CPXM2: variants seen among roughly 807,000 people sequenced by gnomAD.
CPXM2 encodes carboxypeptidase X, M14 family member 2.
A neutral mutation model predicts 86.1 loss-of-function variants in CPXM2; 66 were observed. The observed-to-expected ratio is 0.77, with a 90% CI of 0.63 to 0.94. The LOEUF is 0.94. Ranked by LOEUF, CPXM2 falls within the 40% of genes least tolerant of loss-of-function variation. The pLI is 0.00. For synonymous variants in CPXM2, 388 were observed against 400.2 expected, an observed-to-expected ratio of 0.97 and a Z score of 0.36; for missense variants, 948 against 1,026.3, an observed-to-expected ratio of 0.92 and a Z score of 1.04.
Position 123,841,200 on chromosome 10 carries a change from C to T in CPXM2, c.653+1149G>A, listed in dbSNP as rs186824983. ...AGGTCCTGCTGACCCTACTGCGCCC[C>T]TCCACAAAGCCCCCAAGCTCTGCGT... On this transcript the variant is annotated intron_variant, in intron 4 of 13. Coordinates refer to ENST00000241305, the MANE Select transcript of CPXM2 (RefSeq NM_198148.3). 1.0e-3 allele frequency among the ~76,000 whole-genome samples: 152 copies of T among 152,264 alleles called. 1 individual carries two copies. Among genetic ancestry groups the T allele is most frequent in the Non-Finnish European group, 4.0e-4 (27 of 68,024 alleles).
intron 13 of CPXM2, chr10:123,751,407 T>G: frequency 3.6e-6 from 2 of 563,358 alleles, no homozygotes; most frequent in Non-Finnish European, 4.5e-6. Context: ...CCCTTTGCCC[T>G]TCCGAAGTTT....
At chr10:123,823,693 T>C (rs1847980677) in intron 4 of CPXM2, among the ~76,000 whole-genome samples, 1 of 152,124 alleles carries the variant, frequency 6.6e-6, no homozygotes, top group African/African-American at 2.4e-5. Context: ...AAAAAGTGTG[T>C]GTGTTAGAGG....
At chr10:123,841,658 T>C (rs1848389074) in intron 4 of CPXM2, among the ~76,000 whole-genome samples, 1 of 152,244 alleles carries the variant, frequency 6.6e-6, no homozygotes. Context: ...CCCCAAGCTG[T>C]ACCCATGTGT....
Position 123,754,822 on chromosome 10 carries a change from ACAACAGAGTGGGCTGT to A in CPXM2, c.1918-76_1918-61del. ...CCGACCAGCTCTGGACACAACCGGCACAACAGAGTGGGCTGTCAACCCACCATTGGCCGGTTCCCAC... is the reference window on the plus strand; with the variant it reads ...CCGACCAGCTCTGGACACAACCGGCACAACCCACCATTGGCCGGTTCCCAC... On this transcript the variant is annotated intron_variant, in intron 12 of 13. Coordinates refer to ENST00000241305, the MANE Select transcript of CPXM2 (RefSeq NM_198148.3). The surrounding 1 kb of genome is among the most constrained non-coding windows in gnomAD (Gnocchi z 4.0). The A allele has an allele frequency of 1.1e-6, 1 of 932,476 alleles. No homozygotes were observed. The highest frequency in any genetic ancestry group is 1.8e-6 in the Non-Finnish European group (1 of 560,912). 57.8% of individuals were successfully genotyped at this position (932,476 alleles called of 1,614,324 possible).
chr10:123,750,020 ATATTGGCCAGGCTGGTCTTGAAC>A lies in CPXM2; in HGVS notation c.2018-3026_2018-3004del, dbSNP rs11271270. 3.5e-3 allele frequency: 1,622 copies of A among 464,536 alleles called. 24 individuals are homozygous for A. Among genetic ancestry groups the A allele is most frequent in the African/African-American group, 0.032 (1,300 of 41,146 alleles). 28.8% of individuals were successfully genotyped at this position (464,536 alleles called of 1,614,324 possible). A position where few individuals can be genotyped will look rare whatever the true frequency, so the allele number is the denominator to read the frequency against. ...TTTTTAGTAGAGATGGGGTTTCACC[ATATTGGCCAGGCTGGTCTTGAAC>A]TCCTGACCTCATGATCTGCCTGCCT... is the stretch of plus-strand genomic sequence containing the variant. On this transcript the variant is annotated intron_variant, in intron 13 of 13. Transcript: ENST00000241305.
Position 123,842,368 on chromosome 10 carries a change from C to T in CPXM2, c.634G>A (p.Gly212Arg). The T allele has an allele frequency of 5.6e-6, 9 of 1,614,262 alleles. No homozygotes were observed. The highest frequency in any genetic ancestry group is 7.6e-6 in the Non-Finnish European group (9 of 1,180,052). Reference sequence around the variant, plus strand: ...ACTCACAGCCAGAGGGAGTTCCTCCCTTGAGTGATGACACCAGTGAATCTG... The same window carrying T: ...ACTCACAGCCAGAGGGAGTTCCTCCTTTGAGTGATGACACCAGTGAATCTG... Reference protein sequence around the residue: ...LTRFTGVITQGRNSLWLSDWV... With the variant: ...LTRFTGVITQRRNSLWLSDWV... Residue 212 changes from glycine to arginine, a missense_variant, in exon 4 of 14, where the codon GGG becomes AGG. Transcript: ENST00000241305.
At chr10:123,773,327 T>G (rs1462075658) in intron 7 of CPXM2, among the ~76,000 whole-genome samples, 1 of 151,988 alleles carries the variant, frequency 6.6e-6, no homozygotes, top group Non-Finnish European at 1.5e-5. Flanking sequence ...ACCTCCCTGG[T>G]TGTGGTCATC....
At chr10:123,878,939 G>A (rs1447404678) in intron 2 of CPXM2, among the ~76,000 whole-genome samples, 4 of 152,094 alleles carry the variant, frequency 2.6e-5, no homozygotes, top group South Asian at 2.1e-4. Flanking sequence ...ATCTAGAGAC[G>A]ACCCCAAAGC....
intron 3 of CPXM2, among the ~76,000 whole-genome samples, chr10:123,857,678 C>T (rs1345292319): frequency 2.7e-5 from 4 of 150,390 alleles, no homozygotes; most frequent in African/African-American, 4.9e-5. Flanking sequence ...AGATGGAAGG[C>T]GGCGTGGAGC....
chr10:123,776,520 T>C (rs1159902006), intron 7 of CPXM2: 1 of 152,244 alleles, frequency 6.6e-6, no homozygotes, highest in Non-Finnish European at 1.5e-5. Context: ...TGTTGTGGCA[T>C]GTTTCATACT....
In CPXM2 at chr10:123,891,554, A is replaced by G. The variant is rs1480777193; in HGVS notation, c.106T>C (p.Tyr36His). The change falls in exon 1 of 14, where the codon TAC (tyrosine) becomes CAC (histidine). Residue 36 changes from tyrosine (Y) to histidine (H), a missense_variant. Physicochemically the swap from Tyr to His is moderately conservative, Grantham distance 83. Transcript: ENST00000241305. The surrounding 1 kb of genome is among the most constrained non-coding windows in gnomAD (Gnocchi z 5.6). The stretch of plus-strand genomic sequence containing the variant: ...TCCCGGCTCCAGATCTCCTGCCCGT[A>G]ATAATCAGGGTCCTCGAGGGCTGCG... ...QGAALEDPDY[Y>H]GQEIWSREPY... The G allele has an allele frequency of 1.3e-6, 2 of 1,547,950 alleles. No individual in the cohort carries two copies. Among genetic ancestry groups the G allele is most frequent in the East Asian group, 2.5e-5 (1 of 40,750 alleles).
In CPXM2 at chr10:123,762,070, A is replaced by C. The variant is rs751586759; in HGVS notation, c.1579T>G (p.Tyr527Asp). The C allele has an allele frequency of 6.2e-7, 1 of 1,614,102 alleles. No homozygotes were observed. Among genetic ancestry groups the C allele is most frequent in the Admixed American group, 1.7e-5 (1 of 60,028 alleles). ...TTCCAGGGGGACCGCACCAGGTCGT[A>C]GGGGTACGCCACCACCAGCTCGCCG... is the stretch of plus-strand genomic sequence containing the variant. ...QGGELVVAYP[Y>D]DLVRSPWKTQ... Residue 527 changes from tyrosine to aspartate, a missense_variant, in exon 11 of 14, where the codon TAC becomes GAC. Coordinates refer to ENST00000241305, the MANE Select transcript of CPXM2 (RefSeq NM_198148.3).
At chr10:123,775,838 C>A (rs1279845829) in intron 7 of CPXM2, among the ~76,000 whole-genome samples, 1 of 152,196 alleles carries the variant, frequency 6.6e-6, no homozygotes, top group Non-Finnish European at 1.5e-5. Flanking sequence ...GCTACCAGCA[C>A]CATCAAAGAC....
rs149261159 is a variant in CPXM2 at position 123,768,535 on chromosome 10, G to A, written c.1290C>T (p.Ala430=). The A allele has an allele frequency of 1.2e-6, 2 of 1,613,020 alleles. No homozygotes were observed. Among genetic ancestry groups the A allele is most frequent in the Admixed American group, 3.3e-5 (2 of 59,892 alleles). The change falls in exon 9 of 14, where the codon GCC becomes GCT. Residue 430 remains alanine, a synonymous_variant. Coordinates refer to ENST00000241305, the MANE Select transcript of CPXM2 (RefSeq NM_198148.3). ...GGGCCAGGGCCATTACCCCTTCGTA[G>A]GCCTTCTCGTAGCCATCGGGGTTGA... ...PSLNPDGYEK[A]YEGGSELGGW...
intron 2 of CPXM2, among the ~76,000 whole-genome samples, chr10:123,870,459 G>A (rs1410855124): frequency 3.3e-5 from 5 of 152,300 alleles, no homozygotes; most frequent in East Asian, 3.9e-4. Flanking sequence ...TTTCATTGTC[G>A]CCTATAAATG....
intron 2 of CPXM2, among the ~76,000 whole-genome samples, chr10:123,937,675 T>C (rs993863642): frequency 2.0e-5 from 3 of 152,228 alleles, no homozygotes; most frequent in Non-Finnish European, 4.4e-5. Flanking sequence ...ATGAGCTTTC[T>C]CTTCTGAGCA....
rs865775978 is a variant in CPXM2, at chr10:123,862,276, C to T, written c.513+338G>A. On this transcript the variant is annotated intron_variant, in intron 3 of 13. Transcript: ENST00000241305. Reference sequence around the variant, plus strand: ...ACAAATGCCACTGCCTCGTGTGCCACGGCTCTGCCCCGCCATGCCCCAGGC... The same window carrying T: ...ACAAATGCCACTGCCTCGTGTGCCATGGCTCTGCCCCGCCATGCCCCAGGC... 7.2e-5 allele frequency among the ~76,000 whole-genome samples: 11 copies of T among 152,328 alleles called. No homozygotes were observed. The East Asian group carries it at 9.6e-4, about 13-fold the overall frequency.
At chr10:123,887,942 T>C (rs781550334) in intron 1 of CPXM2, among the ~76,000 whole-genome samples, 4 of 152,208 alleles carry the variant, frequency 2.6e-5, no homozygotes, top group Non-Finnish European at 5.9e-5. Flanking sequence ...ATATTGGGGC[T>C]CTACTTCTCT....
chr10:123,751,041 A>G, intron 13 of CPXM2: 2 of 985,432 alleles, frequency 2.0e-6, no homozygotes, highest in Non-Finnish European at 2.4e-6. Context: ...GTGGAAGTCA[A>G]CACATAATGG....
Sources: gnomAD v4.1 joint callset for allele counts (sites outside exome capture counted in the v4.1 genomes callset) on GRCh38, gnomAD v4.1.1 for gene constraint, Gnocchi (gnomAD v3.1) non-coding constraint, MANE v1.5 for transcripts, NCBI Gene and HGNC (gene_info 2026-07-23, HGNC 2026-07-21) for gene names.